Variants in FAM186A observed in about 807,000 individuals in gnomAD.
FAM186A encodes protein FAM186A.
FAM186A carries 163 observed loss-of-function variants against 216.8 expected under a neutral mutation model. The ratio of observed to expected loss-of-function variants is 0.75; its 90% CI spans 0.66 to 0.86. The LOEUF (loss-of-function observed/expected upper bound fraction) is 0.86, where lower values mean the gene tolerates loss of function less well. FAM186A is among the 40% of genes least tolerant of loss of function. The probability of loss-of-function intolerance (pLI) is 0.00; values close to 1 mark genes in which losing one functional copy is unlikely to be tolerated. For synonymous variants in FAM186A, 805 were observed against 1,025.3 expected (o/e 0.79, Z 4.10); for missense variants, 2,184 against 2,746.2 (o/e 0.80, Z 4.58).
intron 7 of FAM186A, among the ~76,000 whole-genome samples, chr12:50,327,714 T>C (rs558547755): frequency 8.7e-4 from 133 of 152,134 alleles, no homozygotes; most frequent in Admixed American, 3.7e-3. Flanking sequence ...GCTGTTTTTT[T>C]TGTACTTTTG....
chr12:50,346,788 A>G (rs142901293), intron 4 of FAM186A, among the ~76,000 whole-genome samples: 15 of 152,254 alleles, frequency 9.9e-5, no homozygotes, highest in African/African-American at 3.4e-4. Flanking sequence ...CAGAGCTTGC[A>G]GTGAGTGGAG....
intron 1 of FAM186A, among the ~76,000 whole-genome samples, chr12:50,370,856 G>C (rs2136100942): frequency 6.6e-6 from 1 of 152,092 alleles, no homozygotes; most frequent in Non-Finnish European, 1.5e-5. Context: ...CGGCACTTTG[G>C]GAGGCTGAGG....
At chr12:50,375,730 A>G (rs1321520040) in intron 1 of FAM186A, among the ~76,000 whole-genome samples, 1 of 150,884 alleles carries the variant, frequency 6.6e-6, no homozygotes, top group African/African-American at 2.4e-5. Context: ...AAAAAAAAGA[A>G]AAAGAAAAAG....
chr12:50,328,299 A>C (rs1942624226), intron 7 of FAM186A, among the ~76,000 whole-genome samples: 1 of 152,156 alleles, frequency 6.6e-6, no homozygotes, highest in South Asian at 2.1e-4. Context: ...ACTTGACCCC[A>C]GAAGTTCAAG....
At chr12:50,358,538 G>A (rs1942999840) in intron 3 of FAM186A, among the ~76,000 whole-genome samples, 1 of 151,680 alleles carries the variant, frequency 6.6e-6, no homozygotes, top group Non-Finnish European at 1.5e-5. Flanking sequence ...TACTATTATT[G>A]TACCAATGCA....
At chr12:50,346,226 A>AG (rs1223314620) in intron 4 of FAM186A, among the ~76,000 whole-genome samples, 12 of 137,558 alleles carry the variant, frequency 8.7e-5, no homozygotes, top group Admixed American at 3.0e-4. Flanking sequence ...AGAAGGAAAG[A>AG]AAGAAAGAAA....
intron 1 of FAM186A, among the ~76,000 whole-genome samples, chr12:50,363,595 G>T (rs1289706914): frequency 6.6e-6 from 1 of 152,090 alleles, no homozygotes; most frequent in Non-Finnish European, 1.5e-5. Context: ...TGGGTTTGAA[G>T]CCATATCTGG....
intron 5 of FAM186A, 44 bp from the exon 6 acceptor site, chr12:50,331,865 A>G (rs1565878026): frequency 1.4e-6 from 2 of 1,474,406 alleles, no homozygotes; most frequent in East Asian, 5.0e-5. Context: ...ATGAAAAGAG[A>G]CAGAATCTTT....
At chr12:50,330,886 T>C in intron 6 of FAM186A, 128 bp from the exon 7 acceptor site, 2 of 722,988 alleles carry the variant, frequency 2.8e-6, no homozygotes, top group Non-Finnish European at 4.1e-6. Context: ...CTGACCAGCA[T>C]TAGCTATGCC....
intron 4 of FAM186A, among the ~76,000 whole-genome samples, chr12:50,340,879 T>A (rs1320864340): frequency 1.3e-5 from 2 of 151,738 alleles, no homozygotes; most frequent in Non-Finnish European, 2.9e-5. Context: ...TCACTGCAAC[T>A]TCTGCCTCCC....
chr12:50,348,350 TA>T (rs1478694442), intron 4 of FAM186A, among the ~76,000 whole-genome samples: 2 of 151,572 alleles, frequency 1.3e-5, no homozygotes, highest in Non-Finnish European at 2.9e-5. Context: ...TTTGTATTTT[TA>T]GTAGAGAAGG....
intron 1 of FAM186A, among the ~76,000 whole-genome samples, chr12:50,367,868 A>C (rs2136099851): frequency 6.6e-6 from 1 of 152,328 alleles, no homozygotes; most frequent in East Asian, 1.9e-4. Context: ...TAATATATTT[A>C]GAAATCGCAG....
intron 1 of FAM186A, among the ~76,000 whole-genome samples, chr12:50,370,016 C>T (rs1038127615): frequency 1.4e-5 from 2 of 138,700 alleles, no homozygotes; most frequent in Non-Finnish European, 3.1e-5. Context: ...CCCAGCTACT[C>T]GGGAGGCTGA....
chr12:50,356,161 A>C lies in FAM186A; in HGVS notation c.671T>G (p.Ile224Ser). ...TARALRPDQM[I>S]SDQLATNTKV... is the part of the protein sequence containing the mutation. ...TGTATTTGTTGCAAGTTGATCACTA[A>C]TCATCTGATCTGGTCTTAAAGCACG... The change falls in exon 4 of 8, where the codon ATT becomes AGT. Residue 224 changes from isoleucine (I) to serine (S), a missense_variant. Around this residue, in one of 7 missense-constraint regions of FAM186A, gnomAD observed 1,132 missense variants for 1,263.4 expected, o/e 0.90. Coordinates refer to ENST00000327337, the MANE Select transcript of FAM186A (RefSeq NM_001145475.3). The C allele has an allele frequency of 6.4e-7, 1 of 1,551,588 alleles. No homozygotes were observed. The highest frequency in any genetic ancestry group is 8.7e-7 in the Non-Finnish European group (1 of 1,146,958).
chr12:50,334,141 G>A, intron 4 of FAM186A, 38 bp from the exon 5 acceptor site: 3 of 1,446,704 alleles, frequency 2.1e-6, no homozygotes, highest in Non-Finnish European at 2.8e-6. Context: ...GATAATAGTT[G>A]CAGACCCTAC....
Position 50,351,327 on chromosome 12 carries a change from C to T in FAM186A, c.5505G>A (p.Gly1835=), listed in dbSNP as rs1942877237. The change falls in exon 4 of 8, where the codon GGG becomes GGA. Residue 1835 remains glycine (G), a synonymous_variant. Transcript: ENST00000327337. ...GTGGAACTCCAGCTATAAAGGGCTGCCCTGGAGTGGGAGGGGCCCGAGATA... is the reference window on the plus strand; with the variant it reads ...GTGGAACTCCAGCTATAAAGGGCTGTCCTGGAGTGGGAGGGGCCCGAGATA... ...LPISRAPPTP[G]QPFIAGVPPT... 1.6e-5 allele frequency: 24 copies of T among 1,505,960 alleles called. No homozygotes were observed. The highest frequency in any genetic ancestry group is 2.0e-5 in the Non-Finnish European group (23 of 1,128,822). 93.3% of individuals were successfully genotyped at this position (1,505,960 alleles called of 1,614,324 possible).
rs748076874 is a variant in FAM186A at position 50,351,820 on chromosome 12, A to G, written c.5012T>C (p.Leu1671Ser). Reference sequence around the variant, plus strand: ...CTGTTCTAAGTTCATAGGGGACTCCAAAGCGTGGGTTTGCTCAGAGGTAAG... The same window carrying G: ...CTGTTCTAAGTTCATAGGGGACTCCGAAGCGTGGGTTTGCTCAGAGGTAAG... ...VTLTSEQTHA[L>S]ESPMNLEQAQ... is the part of the protein sequence containing the mutation. Residue 1671 changes from leucine to serine, a missense_variant, in exon 4 of 8, where the codon TTG becomes TCG. Physicochemically the swap from Leu to Ser is moderately radical, Grantham distance 145. This residue lies in a region of FAM186A where 721 missense variants were observed against 816.4 expected (regional missense o/e 0.88). Transcript: ENST00000327337. The G allele has an allele frequency of 9.7e-6, 15 of 1,546,060 alleles. No individual in the cohort carries two copies. In the African/African-American group the frequency reaches 2.1e-4, roughly 21 times the overall value.
intron 1 of FAM186A, among the ~76,000 whole-genome samples, chr12:50,376,302 T>G (rs76270005): frequency 0.011 from 1,631 of 152,258 alleles, 27 homozygotes; most frequent in African/African-American, 0.037. Flanking sequence ...CTAGGAAGAA[T>G]GAGTTTACAT....
At chr12:50,380,164 T>C (rs1450670762) in intron 1 of FAM186A, among the ~76,000 whole-genome samples, 1 of 152,208 alleles carries the variant, frequency 6.6e-6, no homozygotes, top group African/African-American at 2.4e-5. Context: ...ATTAAGTGTA[T>C]ACAAATGAAT....
Sources: allele counts gnomAD v4.1 joint callset (sites outside exome capture counted in the v4.1 genomes callset), GRCh38; gene constraint gnomAD v4.1.1; regional missense constraint gnomAD v4.1.1; transcripts MANE v1.5; gene names NCBI Gene and HGNC (gene_info 2026-07-23, HGNC 2026-07-21).